Variants in LGR5 observed in about 807,000 individuals in gnomAD.
LGR5 encodes leucine rich repeat containing G protein-coupled receptor 5, also known as leucine-rich repeat-containing G protein-coupled receptor 5.
A neutral mutation model predicts 76.7 loss-of-function variants in LGR5; 54 were observed. The observed-to-expected ratio is 0.70, with a 90% CI of 0.57 to 0.88. The LOEUF is 0.88. Among genes scored for constraint, LGR5 ranks in the 40% least tolerant of loss-of-function variants. The pLI, the probability that LGR5 is intolerant of heterozygous loss-of-function variation, is 0.00. For missense variants in LGR5, 1,078 were observed against 1,073.3 expected, an observed-to-expected ratio of 1.00 and a Z score of -0.06; for synonymous variants, 406 against 421.9, an observed-to-expected ratio of 0.96 and a Z score of 0.46.
Position 71,561,844 on chromosome 12 carries a change from T to C in LGR5, c.849T>C (p.Leu283=). The change falls in exon 8 of 18, where the codon CTT becomes CTC. Residue 283 remains leucine (L), a synonymous_variant. Coordinates refer to ENST00000266674, the MANE Select transcript of LGR5 (RefSeq NM_003667.4). ...AAGCATTTGTAGGCAACCCTTCTCT[T>C]ATTACAATGTAAGTGACCATAATGC... is the stretch of plus-strand genomic sequence containing the variant. ...PEKAFVGNPS[L]ITIHFYDNPI... 1 of 1,588,156 alleles carries C rather than the reference T, an allele frequency of 6.3e-7. No homozygotes were observed. Among genetic ancestry groups the C allele is most frequent in the Non-Finnish European group, 8.6e-7 (1 of 1,158,006 alleles).
intron 1 of LGR5, among the ~76,000 whole-genome samples, chr12:71,485,308 A>G (rs1441641161): frequency 6.6e-6 from 1 of 152,238 alleles, no homozygotes; most frequent in African/African-American, 2.4e-5. Flanking sequence ...TAAAGAGTTC[A>G]TTTGTGTAAG....
intron 1 of LGR5, among the ~76,000 whole-genome samples, chr12:71,499,179 G>C (rs550238625): frequency 6.6e-6 from 1 of 152,176 alleles, no homozygotes; most frequent in Admixed American, 6.5e-5. Flanking sequence ...AGGGAGTTGA[G>C]AGTATTGGTG....
chr12:71,524,386 C>G lies in LGR5; in HGVS notation c.285-20C>G, dbSNP rs749903918. On this transcript the variant is annotated intron_variant, in intron 2 of 17. Transcript: ENST00000266674. ...TGAAGAGGTATGCTCACTCTCTCTCCTCTCCATTGAAACCCACAGACGTCT... is the reference window on the plus strand; with the variant it reads ...TGAAGAGGTATGCTCACTCTCTCTCGTCTCCATTGAAACCCACAGACGTCT... 6.3e-7 allele frequency: 1 copy of G among 1,590,866 alleles called. No individual in the cohort carries two copies. Among genetic ancestry groups the G allele is most frequent in the South Asian group, 1.1e-5 (1 of 90,216 alleles).
At chr12:71,495,073 G>T (rs11178833) in intron 1 of LGR5, among the ~76,000 whole-genome samples, 2 of 145,394 alleles carry the variant, frequency 1.4e-5, no homozygotes, top group African/African-American at 5.4e-5. Flanking sequence ...GATTTGGGGC[G>T]TAGTCGGGGG....
At chr12:71,480,011 A>G (rs967567295) in intron 1 of LGR5, among the ~76,000 whole-genome samples, 1 of 152,194 alleles carries the variant, frequency 6.6e-6, no homozygotes, top group Non-Finnish European at 1.5e-5. Context: ...TTTGGCTGCC[A>G]TGTAGAACAA....
intron 1 of LGR5, among the ~76,000 whole-genome samples, chr12:71,486,397 A>C (rs1409388229): frequency 6.6e-6 from 1 of 152,186 alleles, no homozygotes; most frequent in East Asian, 1.9e-4. Context: ...TGAGAGGATA[A>C]AATGCACCAG....
intron 8 of LGR5, among the ~76,000 whole-genome samples, chr12:71,562,562 C>A (rs1208651888): frequency 6.6e-6 from 1 of 152,010 alleles, no homozygotes; most frequent in East Asian, 1.9e-4. Flanking sequence ...GCAACAGAGC[C>A]CTGTCTCCAA....
chr12:71,584,791 G>C lies in LGR5; in HGVS notation c.*57G>C. ...TGAGAACCTGAAAATGTGAGATTGA[G>C]TATATCAGAGCAGTAATTAATAAGA... On this transcript the variant is annotated 3_prime_UTR_variant, in exon 18 of 18. Coordinates refer to ENST00000266674, the MANE Select transcript of LGR5 (RefSeq NM_003667.4). The C allele has an allele frequency of 6.6e-7, 1 of 1,525,570 alleles. No homozygotes were observed. The highest frequency in any genetic ancestry group is 8.9e-7 in the Non-Finnish European group (1 of 1,121,826). The allele number at this position is 1,525,570 out of a possible 1,614,324, so 94.5% of individuals were successfully genotyped here.
chr12:71,566,336 A>G, intron 8 of LGR5, 68 bp from the exon 9 acceptor site: 1 of 1,007,948 alleles, frequency 9.9e-7, no homozygotes, highest in South Asian at 1.4e-5. Context: ...ATTTGTTCAA[A>G]TTTTGAACAG....
In LGR5 at chr12:71,584,251, CTA is replaced by C. The variant is rs765735921; in HGVS notation, c.2242_2243del (p.Tyr748LeufsTer51). On this transcript the variant is annotated frameshift_variant, in exon 18 of 18. Coordinates refer to ENST00000266674, the MANE Select transcript of LGR5 (RefSeq NM_003667.4). LOFTEE classifies it high-confidence loss of function. ...TGATGACCATTGCCTACACCAAGCT[CTA>C]CTGCAATTTGGACAAGGGAGACCTG... is the stretch of plus-strand genomic sequence containing the variant. ...LMMTIAYTKL[Y>X]CNLDKGDLEN... is the part of the protein sequence containing the mutation. 51 of 1,614,020 alleles carry C rather than the reference CTA, an allele frequency of 3.2e-5. No individual in the cohort carries two copies. The highest frequency in any genetic ancestry group is 4.1e-5 in the Non-Finnish European group (48 of 1,180,040).
At chr12:71,484,496 G>A (rs12824160) in intron 1 of LGR5, among the ~76,000 whole-genome samples, 13,634 of 152,146 alleles carry the variant, frequency 0.09, 657 homozygotes, top group Non-Finnish European at 0.11. Context: ...ATTTAAAACC[G>A]AAACAAACAC....
chr12:71,516,575 T>C (rs1001843680), intron 2 of LGR5, among the ~76,000 whole-genome samples: 2 of 143,604 alleles, frequency 1.4e-5, no homozygotes, highest in East Asian at 4.2e-4. Context: ...ATTAGACCTA[T>C]ATACAATTGC....
In LGR5 at chr12:71,585,810, G is replaced by A. The variant is rs1002348570; in HGVS notation, c.*1076G>A. The A allele has an allele frequency of 6.6e-6, 1 of 152,072 alleles. No homozygotes were observed. Among genetic ancestry groups the A allele is most frequent in the African/African-American group, 2.4e-5 (1 of 41,390 alleles). 9.4% of individuals were successfully genotyped at this position (152,072 alleles called of 1,614,324 possible). A position where few individuals can be genotyped will look rare whatever the true frequency, so the allele number is the denominator to read the frequency against. The stretch of plus-strand genomic sequence containing the variant: ...GCTTGGTTTTAGCTGTGTTCTCTCT[G>A]GATAACCCACTTGATGTTAGGAACA... On this transcript the variant is annotated 3_prime_UTR_variant, in exon 18 of 18. Transcript: ENST00000266674.
chr12:71,465,399 T>G (rs1872824241), intron 1 of LGR5, among the ~76,000 whole-genome samples: 1 of 152,216 alleles, frequency 6.6e-6, no homozygotes, highest in Non-Finnish European at 1.5e-5. Flanking sequence ...TTTTCCATTT[T>G]CCTGCTCTTC....
chr12:71,553,493 C>A (rs915258899), intron 5 of LGR5, among the ~76,000 whole-genome samples: 27 of 152,052 alleles, frequency 1.8e-4, no homozygotes, highest in African/African-American at 6.5e-4. Context: ...AGATGCCAAG[C>A]ACAGCAGGGC....
intron 1 of LGR5, among the ~76,000 whole-genome samples, chr12:71,489,074 T>C (rs1171794421): frequency 1.3e-5 from 2 of 152,172 alleles, no homozygotes; most frequent in African/African-American, 2.4e-5. Context: ...CAATAATATA[T>C]TGTTATCCCA....
chr12:71,487,905 C>T (rs1263980033), intron 1 of LGR5, among the ~76,000 whole-genome samples: 1 of 152,170 alleles, frequency 6.6e-6, no homozygotes, highest in Non-Finnish European at 1.5e-5. Flanking sequence ...ATAAAATCAA[C>T]AGTAGTTATA....
At chr12:71,573,033 A>G in intron 13 of LGR5, 112 bp downstream of exon 13, 1 of 705,782 alleles carries the variant, frequency 1.4e-6, no homozygotes, top group African/African-American at 1.8e-5. Context: ...ACTTTTGTGC[A>G]TATATTTGCT....
chr12:71,547,007 G>A (rs1299214506), intron 4 of LGR5, among the ~76,000 whole-genome samples: 2 of 152,126 alleles, frequency 1.3e-5, no homozygotes, highest in African/African-American at 4.8e-5. Flanking sequence ...AGCAGCTTGA[G>A]CAGCAGCGCC....
Sources: gnomAD v4.1 joint callset for allele counts (sites outside exome capture counted in the v4.1 genomes callset) on GRCh38, gnomAD v4.1.1 for gene constraint, MANE v1.5 for transcripts, NCBI Gene and HGNC (gene_info 2026-07-23, HGNC 2026-07-21) for gene names.